Variants in ZRANB1 observed in about 807,000 individuals in gnomAD.
The protein encoded by ZRANB1 is zinc finger RANBP2-type containing 1.
In ZRANB1, 16 loss-of-function variants were observed where a neutral mutation model predicts 80.5. That is an observed-to-expected ratio of 0.20 (90% CI 0.13 to 0.30). The LOEUF is 0.30. Ranked by LOEUF, ZRANB1 falls within the 10% of genes least tolerant of loss-of-function variation. The pLI is 1.00. For synonymous variants in ZRANB1, 291 were observed against 293.1 expected (o/e 0.99, Z 0.07); for missense variants, 576 against 862.6 (o/e 0.67, Z 4.16).
At chr10:124,926,468 C>G in the ZRANB1 span, among the ~76,000 whole-genome samples, 1 of 152,324 alleles carries the variant, frequency 6.6e-6, no homozygotes, top group East Asian at 1.9e-4. Context: ...TAGGCCTACA[C>G]AGGGCCAGGA....
chr10:124,925,884 T>C, the ZRANB1 span, among the ~76,000 whole-genome samples: 6 of 152,320 alleles, frequency 3.9e-5, no homozygotes, highest in Non-Finnish European at 7.3e-5. Context: ...ATTTTGTCGT[T>C]GTGCGAACAT....
chr10:124,977,908 T>TA (rs931477504), intron 5 of ZRANB1, among the ~76,000 whole-genome samples: 3 of 152,052 alleles, frequency 2.0e-5, no homozygotes, highest in African/African-American at 7.2e-5. Flanking sequence ...AGTGAGCACC[T>TA]AGGGCTGGCA....
rs866217604 is a variant in ZRANB1 at position 124,949,521 on chromosome 10, A to T, written c.814+6214A>T. On this transcript the variant is annotated intron_variant, in intron 1 of 8. Transcript: ENST00000359653. Reference sequence around the variant, plus strand: ...TACACACACACACACACACACACACACATTTTTTTTTTTTTTTTGAGACAG... The same window carrying T: ...TACACACACACACACACACACACACTCATTTTTTTTTTTTTTTTGAGACAG... 1.1e-3 allele frequency among the ~76,000 whole-genome samples: 129 copies of T among 119,774 alleles called. 5 individuals are homozygous for T. Among genetic ancestry groups the T allele is most frequent in the South Asian group, 3.2e-3 (11 of 3,388 alleles). 78.6% of individuals were successfully genotyped at this position (119,774 alleles called of 152,430 possible). A position where few individuals can be genotyped will look rare whatever the true frequency, so the allele number is the denominator to read the frequency against.
At chr10:124,959,098 A>G (rs544352761) in intron 1 of ZRANB1, among the ~76,000 whole-genome samples, 3 of 152,348 alleles carry the variant, frequency 2.0e-5, no homozygotes, top group South Asian at 2.1e-4. Flanking sequence ...CAAAGAGTTT[A>G]TAGGGCAAAT....
At chr10:124,940,385 C>G, upstream of ZRANB1, 2 of 586,684 alleles carry the variant, frequency 3.4e-6, no homozygotes, top group South Asian at 1.8e-5. Flanking sequence ...AATAGCTATT[C>G]AGTCAGACAG....
At position 124,984,603 on chromosome 10, in the gene ZRANB1, G is replaced by A. The variant is rs1040884288; in HGVS notation, c.1909-171G>A. The A allele has an allele frequency of 1.3e-5, 8 of 621,498 alleles. No individual in the cohort carries two copies. The African/African-American group carries it at 1.5e-4, about 11-fold the overall frequency. 38.5% of individuals were successfully genotyped at this position (621,498 alleles called of 1,614,324 possible). On this transcript the variant is annotated intron_variant, in intron 8 of 8. Transcript: ENST00000359653. ...TTATGTCTTTTTAAATTTAACCAGAGCAAACTGGACTTTAATCACAAAACT... is the reference window on the plus strand; with the variant it reads ...TTATGTCTTTTTAAATTTAACCAGAACAAACTGGACTTTAATCACAAAACT...
At chr10:124,935,791 T>A in the ZRANB1 span, among the ~76,000 whole-genome samples, 1 of 152,246 alleles carries the variant, frequency 6.6e-6, no homozygotes, top group Admixed American at 6.5e-5. Context: ...GGTGCTGGTC[T>A]ACCTTCCGTG....
Position 124,942,196 on chromosome 10 carries a change from C to T in ZRANB1, c.-298C>T, listed in dbSNP as rs370105232. 12 of 1,188,130 alleles carry T rather than the reference C, an allele frequency of 1.0e-5. No homozygotes were observed. The highest frequency in any genetic ancestry group is 3.1e-5 in the African/African-American group (2 of 63,730). The allele number at this position is 1,188,130 out of a possible 1,614,324, so 73.6% of individuals were successfully genotyped here. On this transcript the variant is annotated 5_prime_UTR_variant, in exon 1 of 9. Coordinates refer to ENST00000359653, the MANE Select transcript of ZRANB1 (RefSeq NM_017580.3). ...ATCTCATCCTTCTTAGATCAAACCTCGTTATATCTCCTGCCTATCTCTTTT... is the reference window on the plus strand; with the variant it reads ...ATCTCATCCTTCTTAGATCAAACCTTGTTATATCTCCTGCCTATCTCTTTT...
At chr10:124,977,372 A>G (rs4962714) in intron 5 of ZRANB1, among the ~76,000 whole-genome samples, 145,606 of 151,036 alleles carry the variant, frequency 0.96, 70,279 homozygotes, top group Non-Finnish European at 0.99. Flanking sequence ...CTGGCTATGG[A>G]TGATCTTATG....
chr10:124,919,736 C>A, the ZRANB1 span, among the ~76,000 whole-genome samples: 5 of 151,088 alleles, frequency 3.3e-5, no homozygotes, highest in Non-Finnish European at 5.9e-5. Context: ...CTCATCCTCC[C>A]GAGTAGCTGG....
At chr10:124,937,964 ATTTTATTGTGG>A (rs1200053842), upstream of ZRANB1, among the ~76,000 whole-genome samples, 3 of 152,250 alleles carry the variant, frequency 2.0e-5, no homozygotes, top group Non-Finnish European at 4.4e-5. Flanking sequence ...GATTATGTTG[ATTTTATTGTGG>A]TTTTATTTTA....
intron 1 of ZRANB1, among the ~76,000 whole-genome samples, chr10:124,950,298 A>G (rs1951626955): frequency 6.6e-6 from 1 of 151,634 alleles, no homozygotes; most frequent in African/African-American, 2.4e-5. Flanking sequence ...CTAATTTTGC[A>G]TTTTTTGTAG....
At chr10:124,925,103 T>G in the ZRANB1 span, among the ~76,000 whole-genome samples, 1 of 152,022 alleles carries the variant, frequency 6.6e-6, no homozygotes, top group Admixed American at 6.6e-5. Context: ...AGAGATGAGG[T>G]TTCATTATGT....
At chr10:124,934,510 G>C in the ZRANB1 span, among the ~76,000 whole-genome samples, 108 of 152,200 alleles carry the variant, frequency 7.1e-4, no homozygotes, top group Admixed American at 1.2e-3. Flanking sequence ...CAGTGCTCTG[G>C]ATGGTAGACT....
chr10:124,972,916 A>C (rs1268161663), intron 3 of ZRANB1, among the ~76,000 whole-genome samples: 1 of 152,002 alleles, frequency 6.6e-6, no homozygotes, highest in Non-Finnish European at 1.5e-5. Flanking sequence ...AGCTAGGACT[A>C]TAGGCACATG....
At position 124,966,625 on chromosome 10, in the gene ZRANB1, A is replaced by G; in HGVS notation, c.846A>G (p.Glu282=). The G allele has an allele frequency of 5.6e-6, 9 of 1,614,120 alleles. No homozygotes were observed. The highest frequency in any genetic ancestry group is 7.6e-6 in the Non-Finnish European group (9 of 1,179,986). The part of the protein sequence containing the change: ...GVVEGDLAAI[E]AYKSSGGDIA... ...TAGAAGGTGATTTAGCTGCCATAGA[A>G]GCATACAAGTCATCAGGAGGAGACA... Residue 282 remains glutamate (E), a synonymous_variant, in exon 2 of 9, where the codon GAA becomes GAG. Transcript: ENST00000359653.
At chr10:124,981,491 A>G (rs1019411831) in intron 5 of ZRANB1, 9 of 377,020 alleles carry the variant, frequency 2.4e-5, no homozygotes, top group East Asian at 4.8e-5. Context: ...CGGTAAATCA[A>G]ATTCTGACTA....
At chr10:124,922,472 C>T in the ZRANB1 span, among the ~76,000 whole-genome samples, 3 of 149,280 alleles carry the variant, frequency 2.0e-5, no homozygotes, top group East Asian at 5.8e-4. Context: ...ACTACAGATG[C>T]GTGCCACCAC....
upstream of ZRANB1, among the ~76,000 whole-genome samples, chr10:124,938,726 G>C (rs78405176): frequency 2.1e-3 from 311 of 144,976 alleles, no homozygotes; most frequent in African/African-American, 6.5e-3. Context: ...TTTTTTCCTT[G>C]AGACAGCCTT....
Sources: allele counts gnomAD v4.1 joint callset (sites outside exome capture counted in the v4.1 genomes callset), GRCh38; gene constraint gnomAD v4.1.1; transcripts MANE v1.5; gene names NCBI Gene and HGNC (gene_info 2026-07-23, HGNC 2026-07-21).